SGCZ: variants seen among roughly 807,000 people sequenced by gnomAD.
The protein encoded by SGCZ is sarcoglycan zeta.
A neutral mutation model predicts 41.3 loss-of-function variants in SGCZ; 40 were observed. That is an observed-to-expected ratio of 0.97 (90% CI 0.75 to 1.26). SGCZ has a LOEUF of 1.26. Among genes scored for constraint, SGCZ ranks in the 50% most tolerant of loss-of-function variants. SGCZ has a pLI of 0.00. For missense variants in SGCZ, 552 were observed against 369.8 expected, an observed-to-expected ratio of 1.49 and a Z score of -4.04; for synonymous variants, 206 against 137.5, an observed-to-expected ratio of 1.50 and a Z score of -3.49.
intron 1 of SGCZ, among the ~76,000 whole-genome samples, chr8:14,617,977 A>G (rs1475251074): frequency 6.6e-6 from 1 of 152,074 alleles, no homozygotes; most frequent in African/African-American, 2.4e-5. Flanking sequence ...TGTTACAACT[A>G]AAAGTCATGA....
chr8:14,229,684 A>C (rs1209221134), intron 4 of SGCZ, among the ~76,000 whole-genome samples: 1 of 151,980 alleles, frequency 6.6e-6, no homozygotes, highest in Non-Finnish European at 1.5e-5. Flanking sequence ...AAAAAAACAT[A>C]AATTTGGAAC....
intron 1 of SGCZ, among the ~76,000 whole-genome samples, chr8:14,833,726 G>C (rs1016987027): frequency 2.6e-5 from 4 of 152,168 alleles, no homozygotes; most frequent in African/African-American, 9.7e-5. Flanking sequence ...AGCATAGTTG[G>C]GGGTGGTTGG....
chr8:14,773,019 G>A (rs1321236839), intron 1 of SGCZ, among the ~76,000 whole-genome samples: 1 of 152,084 alleles, frequency 6.6e-6, no homozygotes, highest in Non-Finnish European at 1.5e-5. Flanking sequence ...TTCCACAATG[G>A]TTGAACTAGC....
At chr8:14,221,854 G>T (rs1301241825) in intron 4 of SGCZ, among the ~76,000 whole-genome samples, 1 of 151,898 alleles carries the variant, frequency 6.6e-6, no homozygotes, top group Non-Finnish European at 1.5e-5. Context: ...CTGTAATCTC[G>T]GGAGACTGAG....
rs146156942 is a variant in SGCZ, at chr8:14,392,144, C to CA, written c.235-67941dup. Reference sequence around the variant, plus strand: ...TAAATATAATATTTCAGATAAATCACAAAAAAAATTATCAGTTATTTTAAT... The same window carrying CA: ...TAAATATAATATTTCAGATAAATCACAAAAAAAAATTATCAGTTATTTTAAT... On this transcript the variant is annotated intron_variant, in intron 2 of 7. Transcript: ENST00000382080. Among the ~76,000 whole-genome samples the CA allele has an allele frequency of 4.1e-3, 624 of 151,820 alleles. 7 individuals are homozygous for CA. Among genetic ancestry groups the CA allele is most frequent in the African/African-American group, 0.014 (596 of 41,414 alleles).
intron 1 of SGCZ, among the ~76,000 whole-genome samples, chr8:15,217,455 CT>C (rs796146748): frequency 0.034 from 4,836 of 141,310 alleles, 91 homozygotes; most frequent in Middle Eastern, 0.056. Flanking sequence ...AAAAATACCT[CT>C]TTTTTTTTTT....
chr8:15,008,423 A>C (rs1045345369), intron 1 of SGCZ, among the ~76,000 whole-genome samples: 1 of 151,442 alleles, frequency 6.6e-6, no homozygotes, highest in Non-Finnish European at 1.5e-5. Flanking sequence ...AATTAGGAAA[A>C]ACAATTCAAA....
At chr8:14,362,595 T>C (rs55798131) in intron 2 of SGCZ, among the ~76,000 whole-genome samples, 248 of 152,234 alleles carry the variant, frequency 1.6e-3, no homozygotes, top group Non-Finnish European at 2.9e-3. Context: ...CCAGGTACAG[T>C]CTGTCACAGC....
intron 5 of SGCZ, among the ~76,000 whole-genome samples, chr8:14,157,571 A>C (rs1803915792): frequency 1.3e-5 from 2 of 151,808 alleles, no homozygotes; most frequent in South Asian, 4.2e-4. Context: ...TGTTAGTTGT[A>C]AAATAAGTAC....
rs556107918 is a variant in SGCZ, at chr8:14,423,092, G to C, written c.235-98888C>G. On this transcript the variant is annotated intron_variant, in intron 2 of 7. Transcript: ENST00000382080. Reference sequence around the variant, plus strand: ...TGTTTTGAACCCATGAGTGTTCATAGGTAAACCTTTTTTTCTTGGCAGTGT... The same window carrying C: ...TGTTTTGAACCCATGAGTGTTCATACGTAAACCTTTTTTTCTTGGCAGTGT... Among the ~76,000 whole-genome samples, 3 of 152,062 alleles carry C rather than the reference G, an allele frequency of 2.0e-5. No homozygotes were observed. In the South Asian group the frequency reaches 6.2e-4, roughly 32 times the overall value.
At chr8:14,543,187 G>C (rs1803522844) in intron 2 of SGCZ, among the ~76,000 whole-genome samples, 1 of 151,930 alleles carries the variant, frequency 6.6e-6, no homozygotes, top group Admixed American at 6.6e-5. Context: ...AACTATGTAA[G>C]TACTTCAGAA....
intron 1 of SGCZ, among the ~76,000 whole-genome samples, chr8:14,959,978 A>G (rs564450682): frequency 2.6e-5 from 4 of 152,276 alleles, no homozygotes; most frequent in South Asian, 4.1e-4. Context: ...AAAGTCTTCT[A>G]TTTCAGAGCT....
chr8:14,551,558 AT>A lies in SGCZ; in HGVS notation c.234+3173del, dbSNP rs1239432346. On this transcript the variant is annotated intron_variant, in intron 2 of 7. Transcript: ENST00000382080. ...AATATATATAATATATATAATATATATTATATATATAATATATATATAATAT... is the reference window on the plus strand; with the variant it reads ...AATATATATAATATATATAATATATATATATATATAATATATATATAATAT... Among the ~76,000 whole-genome samples the A allele has an allele frequency of 7.8e-3, 158 of 20,202 alleles. 3 individuals are homozygous for A. Among genetic ancestry groups the A allele is most frequent in the East Asian group, 0.057 (18 of 314 alleles). The allele number at this position is 20,202 out of a possible 152,430, so 13.3% of individuals were successfully genotyped here. A position where few individuals can be genotyped will look rare whatever the true frequency, so the allele number is the denominator to read the frequency against.
At chr8:14,757,133 C>T (rs1177140716) in intron 1 of SGCZ, among the ~76,000 whole-genome samples, 3 of 152,200 alleles carry the variant, frequency 2.0e-5, no homozygotes, top group African/African-American at 7.2e-5. Context: ...ACTGCAACCT[C>T]AGCCTACCAG....
chr8:15,211,260 G>A (rs1801229757), intron 1 of SGCZ, among the ~76,000 whole-genome samples: 1 of 144,418 alleles, frequency 6.9e-6, no homozygotes, highest in African/African-American at 2.6e-5. Flanking sequence ...GCCACCACAA[G>A]TAACAGACAC....
chr8:14,412,395 T>G (rs946566090), intron 2 of SGCZ, among the ~76,000 whole-genome samples: 6 of 152,138 alleles, frequency 3.9e-5, no homozygotes, highest in African/African-American at 1.4e-4. Context: ...TTTAGATCAC[T>G]GGGTATGCGT....
intron 1 of SGCZ, among the ~76,000 whole-genome samples, chr8:14,885,984 G>C (rs1327271322): frequency 1.7e-5 from 1 of 58,396 alleles, no homozygotes; most frequent in African/African-American, 6.6e-5. Context: ...AGGACTTTAT[G>C]TTATATATAT....
At chr8:14,273,190 A>G (rs989606117) in intron 3 of SGCZ, among the ~76,000 whole-genome samples, 2 of 152,170 alleles carry the variant, frequency 1.3e-5, no homozygotes, top group Non-Finnish European at 2.9e-5. Context: ...ATTGATAAAA[A>G]GAATAATTAA....
At chr8:14,573,883 T>C (rs1254621383) in intron 1 of SGCZ, among the ~76,000 whole-genome samples, 2 of 152,062 alleles carry the variant, frequency 1.3e-5, no homozygotes, top group Non-Finnish European at 2.9e-5. Context: ...TAAAATGGCC[T>C]AACTCTGAGA....
Sources: allele counts gnomAD v4.1 joint callset (sites outside exome capture counted in the v4.1 genomes callset), GRCh38; gene constraint gnomAD v4.1.1; transcripts MANE v1.5; gene names NCBI Gene and HGNC (gene_info 2026-07-23, HGNC 2026-07-21).